The following LMBRD1 variants were observed in gnomAD, a reference collection of about 807,000 sequenced individuals.
LMBRD1 encodes the protein LMBR1 domain containing 1, also known as lysosomal cobalamin transport escort protein LMBD1.
A neutral mutation model predicts 74.8 loss-of-function variants in LMBRD1; 64 were observed. The ratio of observed to expected loss-of-function variants is 0.86; its 90% confidence interval spans 0.70 to 1.05. The LOEUF is 1.05. Among genes scored for constraint, LMBRD1 ranks in the 50% least tolerant of loss-of-function variants. The probability of loss-of-function intolerance (pLI) is 0.00; values close to 1 mark genes in which losing one functional copy is unlikely to be tolerated. For synonymous variants in LMBRD1, 204 were observed against 216.3 expected (o/e 0.94, Z 0.50); for missense variants, 652 against 645.9 (o/e 1.01, Z -0.10).
intron 3 of LMBRD1, among the ~76,000 whole-genome samples, chr6:69,771,248 C>G (rs1765569966): frequency 6.6e-6 from 1 of 152,188 alleles, no homozygotes; most frequent in Non-Finnish European, 1.5e-5. Flanking sequence ...TGGGGAAGAA[C>G]CTGCTTCCAG....
intron 7 of LMBRD1, among the ~76,000 whole-genome samples, chr6:69,723,380 A>G (rs1444425950): frequency 6.6e-6 from 1 of 152,200 alleles, no homozygotes; most frequent in Non-Finnish European, 1.5e-5. Context: ...TCTTTTCCTT[A>G]GCACATGGAT....
chr6:69,733,350 A>T (rs1766903925), intron 7 of LMBRD1, among the ~76,000 whole-genome samples: 1 of 152,186 alleles, frequency 6.6e-6, no homozygotes, highest in Non-Finnish European at 1.5e-5. Context: ...TTTCCAAGGT[A>T]AGTTAGGAGA....
Position 69,796,954 on chromosome 6 carries a change from A to C in LMBRD1, c.-73T>G. On this transcript the variant is annotated 5_prime_UTR_variant, in exon 1 of 16. Transcript: ENST00000649934. ...GGAGGGGGAAAGGGGAGAGAGCGCGAGATATACTGCACCCGCGCACCCTAA... is the reference window on the plus strand; with the variant it reads ...GGAGGGGGAAAGGGGAGAGAGCGCGCGATATACTGCACCCGCGCACCCTAA... 1 of 1,295,564 alleles carries C rather than the reference A, an allele frequency of 7.7e-7. No individual in the cohort carries two copies. Among genetic ancestry groups the C allele is most frequent in the Non-Finnish European group, 1.1e-6 (1 of 906,978 alleles). 80.3% of individuals were successfully genotyped at this position (1,295,564 alleles called of 1,614,324 possible). A position where few individuals can be genotyped will look rare whatever the true frequency, so the allele number is the denominator to read the frequency against.
chr6:69,796,865 G>A lies in LMBRD1; in HGVS notation c.17C>T (p.Ala6Val). The stretch of plus-strand genomic sequence containing the variant: ...GCCGATCACCAGCTCCGCCGAGGCC[G>A]CGCCAGAAGTCGCCATCTTCGCTTC... MATSG[A>V]ASAELVIGWC... Residue 6 changes from alanine to valine, a missense_variant, in exon 1 of 16, where the codon GCG becomes GTG. Ala to Val is a moderately conservative substitution (Grantham distance 64). This residue lies in a region of LMBRD1 where 598 missense variants were observed against 581.8 expected (regional missense o/e 1.03). Coordinates refer to ENST00000649934, the MANE Select transcript of LMBRD1 (RefSeq NM_018368.4). 6.2e-7 allele frequency: 1 copy of A among 1,614,096 alleles called. No individual in the cohort carries two copies. Among genetic ancestry groups the A allele is most frequent in the Non-Finnish European group, 8.5e-7 (1 of 1,180,018 alleles).
chr6:69,763,234 GA>G (rs35769776), intron 3 of LMBRD1, among the ~76,000 whole-genome samples: 5,572 of 135,494 alleles, frequency 0.041, 134 homozygotes, highest in Non-Finnish European at 0.063. Flanking sequence ...AAAGAAAAAA[GA>G]AAAAAAAAAA....
intron 7 of LMBRD1, among the ~76,000 whole-genome samples, chr6:69,726,965 T>G (rs564618611): frequency 6.6e-6 from 1 of 151,888 alleles, no homozygotes; most frequent in African/African-American, 2.4e-5. Context: ...AACAGCCTGG[T>G]CAACATGGTG....
intron 3 of LMBRD1, among the ~76,000 whole-genome samples, chr6:69,768,842 A>C (rs1477994764): frequency 1.3e-5 from 2 of 151,968 alleles, no homozygotes; most frequent in Non-Finnish European, 2.9e-5. Context: ...AGGACACAGA[A>C]ATCTTTATTT....
intron 5 of LMBRD1, chr6:69,745,885 G>A (rs1196312628): frequency 5.6e-6 from 1 of 178,680 alleles, no homozygotes; most frequent in Non-Finnish European, 1.2e-5. Flanking sequence ...TGAAAGTGAA[G>A]GCCAGACTAA....
intron 14 of LMBRD1, among the ~76,000 whole-genome samples, chr6:69,691,061 T>C (rs1307361699): frequency 6.6e-6 from 1 of 152,102 alleles, no homozygotes; most frequent in East Asian, 1.9e-4. Flanking sequence ...CTTTGTTTTT[T>C]CTTCATATTG....
chr6:69,705,469 G>C, intron 9 of LMBRD1: 1 of 1,309,172 alleles, frequency 7.6e-7, no homozygotes, highest in South Asian at 1.2e-5. Flanking sequence ...GGTGTTTTAG[G>C]AGATTTTTCC....
intron 3 of LMBRD1, among the ~76,000 whole-genome samples, chr6:69,780,293 T>C (rs543504902): frequency 6.6e-6 from 1 of 152,142 alleles, no homozygotes; most frequent in Non-Finnish European, 1.5e-5. Flanking sequence ...CCTCTGTCTC[T>C]GTACAGGGGA....
At chr6:69,728,179 G>C (rs190646058) in intron 7 of LMBRD1, among the ~76,000 whole-genome samples, 21 of 152,258 alleles carry the variant, frequency 1.4e-4, no homozygotes, top group African/African-American at 4.6e-4. Context: ...AGAAGAGAGT[G>C]AAGTGGGAGG....
rs1303393660 is a variant in LMBRD1, at chr6:69,777,638, A to C, written c.307+2856T>G. ...ATTTACTGACAAACTGATCTTCAAC[A>C]TCTCTCCACATCAATATCTTCATCT... is the stretch of plus-strand genomic sequence containing the variant. On this transcript the variant is annotated intron_variant, in intron 3 of 15. Transcript: ENST00000649934. Among the ~76,000 whole-genome samples the C allele has an allele frequency of 2.6e-5, 4 of 151,744 alleles. No homozygotes were observed. The South Asian group carries it at 8.3e-4, about 31-fold the overall frequency.
chr6:69,738,346 T>C (rs1021460252), intron 6 of LMBRD1, among the ~76,000 whole-genome samples: 7 of 152,108 alleles, frequency 4.6e-5, no homozygotes, highest in African/African-American at 1.7e-4. Flanking sequence ...AAAGATCACA[T>C]GGCCTTTCTC....
intron 5 of LMBRD1, chr6:69,746,605 A>C (rs1389911256): frequency 6.6e-6 from 1 of 152,572 alleles, no homozygotes; most frequent in African/African-American, 2.4e-5. Flanking sequence ...AACTTGCCAA[A>C]TATGATGACA....
chr6:69,727,012 G>A (rs1185082502), intron 7 of LMBRD1, among the ~76,000 whole-genome samples: 1 of 152,014 alleles, frequency 6.6e-6, no homozygotes, highest in South Asian at 2.1e-4. Context: ...AAAATGAGCC[G>A]GGTGTGGTGG....
rs1396140482 is a variant in LMBRD1, at chr6:69,680,312, C to T, written c.1418-3771G>A. Among the ~76,000 whole-genome samples, 5 of 152,082 alleles carry T rather than the reference C, an allele frequency of 3.3e-5. No individual in the cohort carries two copies. In the East Asian group the frequency reaches 5.8e-4, roughly 18 times the overall value. On this transcript the variant is annotated intron_variant, in intron 14 of 15. Coordinates refer to ENST00000649934, the MANE Select transcript of LMBRD1 (RefSeq NM_018368.4). Reference sequence around the variant, plus strand: ...CTCAACTTTCTCAATACTGCTAATGCTGTAAACTTAAAAAATAAAAGTTAT... The same window carrying T: ...CTCAACTTTCTCAATACTGCTAATGTTGTAAACTTAAAAAATAAAAGTTAT...
intron 8 of LMBRD1, among the ~76,000 whole-genome samples, chr6:69,716,729 G>A (rs9454876): frequency 0.08 from 12,178 of 151,836 alleles, 648 homozygotes; most frequent in Admixed American, 0.15. Flanking sequence ...TGAACATGCA[G>A]ATTATTTCTT....
intron 3 of LMBRD1, among the ~76,000 whole-genome samples, chr6:69,760,080 T>C (rs2149881943): frequency 6.6e-6 from 1 of 152,270 alleles, no homozygotes; most frequent in Admixed American, 6.5e-5. Flanking sequence ...CTTAGCAAAA[T>C]AGCTTGTCAT....
Sources: gnomAD v4.1 joint callset for allele counts (sites outside exome capture counted in the v4.1 genomes callset) on GRCh38, gnomAD v4.1.1 for gene constraint, gnomAD v4.1.1 regional missense constraint, MANE v1.5 for transcripts, NCBI Gene and HGNC (gene_info 2026-07-23, HGNC 2026-07-21) for gene names.